The following RGS3 variants were observed in gnomAD, a reference collection of about 807,000 sequenced individuals.
RGS3 encodes regulator of G-protein signalling 3.
In RGS3, 80 loss-of-function variants were observed where a neutral mutation model predicts 132.6. That is an observed-to-expected ratio of 0.60 (90% CI 0.50 to 0.73). The LOEUF (loss-of-function observed/expected upper bound fraction) is 0.73. Among genes scored for constraint, RGS3 ranks in the 30% least tolerant of loss-of-function variants. RGS3 has a pLI of 0.00. For synonymous variants in RGS3, 598 were observed against 620.6 expected (o/e 0.96, Z 0.54); for missense variants, 1,382 against 1,530.8 (o/e 0.90, Z 1.62).
Position 113,595,616 on chromosome 9 carries a change from C to T in RGS3, c.3262C>T (p.Gln1088Ter). Residue 1088 changes from glutamine (Q) to a stop codon, truncating the protein, a stop_gained, in exon 24 of 25, where the codon CAA becomes TAA. Coordinates refer to ENST00000350696, the Ensembl canonical transcript of RGS3. LOFTEE classifies it high-confidence loss of function. ...CCTCACAGACGGGTTAGCAGTGTTCCAAGCCTTCCTTCGCACTGAGTTCAG... is the reference window on the plus strand; with the variant it reads ...CCTCACAGACGGGTTAGCAGTGTTCTAAGCCTTCCTTCGCACTGAGTTCAG... 1 of 1,614,150 alleles carries T rather than the reference C, an allele frequency of 6.2e-7. No homozygotes were observed.
chr9:113,488,047 C>T (rs1278168922), intron 7 of RGS3, among the ~76,000 whole-genome samples: 2 of 152,158 alleles, frequency 1.3e-5, no homozygotes, highest in African/African-American at 4.8e-5. Flanking sequence ...GATGGATGCA[C>T]ATTCTAGATC....
Position 113,584,311 on chromosome 9 carries a change from G to A in RGS3, c.2899G>A (p.Gly967Ser), listed in dbSNP as rs749589164. 1.2e-5 allele frequency: 19 copies of A among 1,605,274 alleles called. No homozygotes were observed. The East Asian group carries it at 2.2e-4, about 19-fold the overall frequency. ...CGACACCACCTTGCACTGCTCAGAC[G>A]GTGAGGGCGCCGCCTCCACCTGGGG... The change falls in exon 20 of 25, where the codon GGT (glycine) becomes AGT (serine). Residue 967 changes from glycine to serine, a missense_variant. Physicochemically the swap from Gly to Ser is moderately conservative, Grantham distance 56. Transcript: ENST00000350696.
At chr9:113,594,236 A>G (rs12341266) in intron 21 of RGS3, 194 bp from the exon 20 acceptor site, 1,448,272 of 1,612,388 alleles carry the variant, frequency 0.9, 651,721 homozygotes, top group East Asian at 1. Flanking sequence ...GGTGCCTCCT[A>G]CAGACCAATC....
chr9:113,474,169 T>A (rs898580350), intron 3 of RGS3, among the ~76,000 whole-genome samples: 7 of 152,104 alleles, frequency 4.6e-5, no homozygotes, highest in Non-Finnish European at 1.0e-4. Flanking sequence ...TCTCTTTCTG[T>A]AAGGAAAAAG....
intron 19 of RGS3, among the ~76,000 whole-genome samples, chr9:113,550,058 C>A (rs72763809): frequency 0.064 from 9,760 of 152,190 alleles, 407 homozygotes; most frequent in Non-Finnish European, 0.089. Flanking sequence ...ACACCTAGTA[C>A]GCATTCGACT....
At chr9:113,541,143 C>T (rs1438230259) in intron 19 of RGS3, among the ~76,000 whole-genome samples, 1 of 152,180 alleles carries the variant, frequency 6.6e-6, no homozygotes, top group African/African-American at 2.4e-5. Context: ...TAAGACTTCT[C>T]CCAGATGTGA....
chr9:113,558,077 G>T (rs940553547), intron 19 of RGS3, among the ~76,000 whole-genome samples: 1 of 152,226 alleles, frequency 6.6e-6, no homozygotes, highest in African/African-American at 2.4e-5. Context: ...GAGAGCCGAT[G>T]GTTGCTTGGA....
In RGS3 at chr9:113,488,685, G is replaced by A. The variant is rs534393844; in HGVS notation, c.689+2992G>A. Among the ~76,000 whole-genome samples the A allele has an allele frequency of 9.2e-4, 140 of 152,324 alleles. 2 individuals are homozygous for A. The highest frequency in any genetic ancestry group is 3.2e-3 in the African/African-American group (132 of 41,576). Reference sequence around the variant, plus strand: ...TGTCTCCACGTGTTGCCTATTTTGGGAAAGTGAGATGCCTTATTAAACAAA... The same window carrying A: ...TGTCTCCACGTGTTGCCTATTTTGGAAAAGTGAGATGCCTTATTAAACAAA... On this transcript the variant is annotated intron_variant, in intron 7 of 24. Coordinates refer to ENST00000350696, the Ensembl canonical transcript of RGS3.
chr9:113,447,923 T>A (rs1026183017), intron 1 of RGS3, among the ~76,000 whole-genome samples: 1 of 146,586 alleles, frequency 6.8e-6, no homozygotes, highest in African/African-American at 2.5e-5. Context: ...AGTGGCACCA[T>A]CACAGATCAC....
chr9:113,518,682 CG>C lies in RGS3; in HGVS notation c.1758+1059del. Among the ~76,000 whole-genome samples the C allele has an allele frequency of 2.0e-5, 3 of 152,262 alleles. No individual in the cohort carries two copies. The South Asian group carries it at 6.2e-4, about 32-fold the overall frequency. ...GGACTGCATGCTCCCTTCCACCGCTCGCTGTTGCCTACTGTATTTCTGGACC... is the reference window on the plus strand; with the variant it reads ...GGACTGCATGCTCCCTTCCACCGCTCCTGTTGCCTACTGTATTTCTGGACC... On this transcript the variant is annotated intron_variant, in intron 16 of 24. Transcript: ENST00000350696.
intron 7 of RGS3, 98 bp from the exon 6 acceptor site, chr9:113,495,688 C>A (rs531265227): frequency 2.1e-6 from 2 of 955,406 alleles, no homozygotes; most frequent in Non-Finnish European, 3.4e-6. Context: ...GCTTTGTAAA[C>A]CACAGTGCAT....
intron 13 of RGS3, 91 bp from the exon 12 acceptor site, chr9:113,508,450 C>T (rs371415373): frequency 7.8e-6 from 11 of 1,417,908 alleles, no homozygotes; most frequent in Non-Finnish European, 1.1e-5. Flanking sequence ...GCTCCACTTC[C>T]TCTCCCCTGG....
chr9:113,591,576 C>T lies in RGS3; in HGVS notation c.3080+179C>T. On this transcript the variant is annotated intron_variant, in intron 21 of 24. Transcript: ENST00000350696. This position sits in a 1 kb window ranked among gnomAD's most constrained non-coding sequence, Gnocchi z 4.4. Reference sequence around the variant, plus strand: ...TTGCAGTGACCCCAAAGTGGGGTCACCTGGGTCCTGAGCATTCTCTCCAAG... The same window carrying T: ...TTGCAGTGACCCCAAAGTGGGGTCATCTGGGTCCTGAGCATTCTCTCCAAG... 1.6e-6 allele frequency: 1 copy of T among 607,554 alleles called. No individual in the cohort carries two copies. The highest frequency in any genetic ancestry group is 1.9e-5 in the South Asian group (1 of 53,652). The allele number at this position is 607,554 out of a possible 1,614,324, so 37.6% of individuals were successfully genotyped here.
At chr9:113,494,635 T>A (rs1187642157) in intron 7 of RGS3, among the ~76,000 whole-genome samples, 1 of 152,148 alleles carries the variant, frequency 6.6e-6, no homozygotes, top group Non-Finnish European at 1.5e-5. Context: ...TACAGGCTCA[T>A]GCCACCATGC....
At chr9:113,590,453 C>T (rs1285432341) in intron 20 of RGS3, among the ~76,000 whole-genome samples, 1 of 141,294 alleles carries the variant, frequency 7.1e-6, no homozygotes, top group East Asian at 2.2e-4. Context: ...TATATCCATC[C>T]ACTCATCCAT....
chr9:113,594,952 G>A, exon 23 of RGS3: 1 of 1,614,122 alleles, frequency 6.2e-7, no homozygotes, highest in Non-Finnish European at 8.5e-7. Context: ...AGTGGGGCGA[G>A]TCCTTGGAGA....
Position 113,506,697 on chromosome 9 carries a change from G to C in RGS3, c.1085+204G>C, listed in dbSNP as rs1438322290. Among the ~76,000 whole-genome samples the C allele has an allele frequency of 6.6e-6, 1 of 152,226 alleles. No individual in the cohort carries two copies. Among genetic ancestry groups the C allele is most frequent in the African/African-American group, 2.4e-5 (1 of 41,460 alleles). On this transcript the variant is annotated intron_variant, in intron 12 of 24. Coordinates refer to ENST00000350696, the Ensembl canonical transcript of RGS3. The surrounding 1 kb of genome is among the most constrained non-coding windows in gnomAD (Gnocchi z 4.7). The stretch of plus-strand genomic sequence containing the variant: ...GCTCAGAGCACTTTTGGATTCCAGA[G>C]CAAACAGCAGGGAAGATGCTCTCAG...
At position 113,569,036 on chromosome 9, in the gene RGS3, G is replaced by A. The variant is rs142896473; in HGVS notation, c.2038-14414G>A. Among the ~76,000 whole-genome samples, 382 of 152,344 alleles carry A rather than the reference G, an allele frequency of 2.5e-3. 1 individual carries two copies. Among genetic ancestry groups the A allele is most frequent in the Middle Eastern group, 3.4e-3 (1 of 294 alleles). ...CTCGAGATGTGTGGATAGCTGCCAG[G>A]TATGCTCCAGATGGCCCAGGGCTTC... On this transcript the variant is annotated intron_variant, in intron 19 of 24. Transcript: ENST00000350696.
chr9:113,538,542 G>A (rs1243598649), intron 19 of RGS3, among the ~76,000 whole-genome samples: 1 of 152,158 alleles, frequency 6.6e-6, no homozygotes, highest in East Asian at 1.9e-4. Context: ...TCAATACCTT[G>A]GAGAATCTCT....
Sources: allele counts gnomAD v4.1 joint callset (sites outside exome capture counted in the v4.1 genomes callset), GRCh38; gene constraint gnomAD v4.1.1; non-coding constraint Gnocchi (gnomAD v3.1); transcripts MANE v1.5; gene names NCBI Gene and HGNC (gene_info 2026-07-23, HGNC 2026-07-21).